Variants in CDK14 observed in about 807,000 individuals in gnomAD.
The protein encoded by CDK14 is cyclin dependent kinase 14.
CDK14 carries 34 observed loss-of-function variants against 60.7 expected under a neutral mutation model. That is an observed-to-expected ratio of 0.56 (90% CI 0.43 to 0.75). CDK14 has a LOEUF of 0.75. Among genes scored for constraint, CDK14 ranks in the 30% least tolerant of loss-of-function variants. The probability of loss-of-function intolerance (pLI) is 0.00; values close to 1 mark genes in which losing one functional copy is unlikely to be tolerated. For missense variants in CDK14, 482 were observed against 564.1 expected, an observed-to-expected ratio of 0.85 and a Z score of 1.47; for synonymous variants, 197 against 203.7, an observed-to-expected ratio of 0.97 and a Z score of 0.28.
intron 14 of CDK14, among the ~76,000 whole-genome samples, chr7:91,149,284 A>T (rs1475692016): frequency 5.1e-5 from 7 of 137,876 alleles, no homozygotes; most frequent in African/African-American, 1.8e-4. Context: ...GGAGCTTCAT[A>T]AAAAAAAAAA....
Position 90,984,188 on chromosome 7 carries a change from G to T in CDK14, c.988G>T (p.Ala330Ser). ...CTTTGTTGAAATGATCCAAGGAGTT[G>T]CTGCTTTTCCAGGAATGAAAGACAT... The part of the protein sequence containing the change: ...CIFVEMIQGV[A>S]AFPGMKDIQD... The change falls in exon 10 of 15, where the codon GCT (alanine) becomes TCT (serine). Residue 330 changes from alanine to serine, a missense_variant. Transcript: ENST00000380050. 6.2e-7 allele frequency: 1 copy of T among 1,613,020 alleles called. No individual in the cohort carries two copies.
intron 2 of CDK14, among the ~76,000 whole-genome samples, chr7:90,670,908 A>T (rs1354477969): frequency 6.6e-6 from 1 of 152,136 alleles, no homozygotes; most frequent in Non-Finnish European, 1.5e-5. Flanking sequence ...ATCCCTTCTT[A>T]ATAGTCCCCC....
chr7:90,863,269 G>A lies in CDK14; in HGVS notation c.639G>A (p.Val213=). 3 of 1,526,626 alleles carry A rather than the reference G, an allele frequency of 2.0e-6. No homozygotes were observed. Among genetic ancestry groups the A allele is most frequent in the South Asian group, 2.3e-5 (2 of 87,210 alleles). 94.6% of individuals were successfully genotyped at this position (1,526,626 alleles called of 1,614,324 possible). A position where few individuals can be genotyped will look rare whatever the true frequency, so the allele number is the denominator to read the frequency against. Residue 213 remains valine, a splice_region_variant and synonymous_variant, in exon 6 of 15, where the codon GTG becomes GTA. Transcript: ENST00000380050. ...CGCTGACACTTGTGTTTGAATATGT[G>A]GTAAGTAAAATAAGACTTTTAAATT... ...KETLTLVFEY[V]HTDLCQYMDK...
At chr7:91,180,405 A>G (rs1259632461) in intron 14 of CDK14, among the ~76,000 whole-genome samples, 1 of 152,236 alleles carries the variant, frequency 6.6e-6, no homozygotes, top group African/African-American at 2.4e-5. Flanking sequence ...GCCTATCATT[A>G]ACTCAAAAAA....
intron 6 of CDK14, among the ~76,000 whole-genome samples, chr7:90,865,684 T>A (rs1791154557): frequency 6.6e-6 from 1 of 152,096 alleles, no homozygotes; most frequent in Admixed American, 6.6e-5. Flanking sequence ...CAAAAGAATG[T>A]TTAAGACAAA....
intron 12 of CDK14, among the ~76,000 whole-genome samples, chr7:91,097,228 A>G (rs1799019280): frequency 6.6e-6 from 1 of 152,046 alleles, no homozygotes; most frequent in Non-Finnish European, 1.5e-5. Flanking sequence ...TAAAAACACA[A>G]AAATTAGCTG....
chr7:90,723,806 A>G (rs757282835), intron 2 of CDK14, among the ~76,000 whole-genome samples: 3 of 152,286 alleles, frequency 2.0e-5, no homozygotes, highest in Middle Eastern at 3.4e-3. Context: ...ATGGTTTACT[A>G]TCTTCTTTAT....
At chr7:90,782,569 G>A (rs1039136260) in intron 4 of CDK14, among the ~76,000 whole-genome samples, 5 of 152,072 alleles carry the variant, frequency 3.3e-5, no homozygotes, top group African/African-American at 9.7e-5. Context: ...TTTGTACTTA[G>A]ATGTTCTGTG....
At chr7:91,035,645 G>A (rs1349810391) in intron 10 of CDK14, among the ~76,000 whole-genome samples, 1 of 139,400 alleles carries the variant, frequency 7.2e-6, no homozygotes, top group Non-Finnish European at 1.5e-5. Context: ...TGTAGCATCT[G>A]GTACTGGCAC....
intron 2 of CDK14, among the ~76,000 whole-genome samples, chr7:90,690,990 A>G (rs1374732033): frequency 6.6e-6 from 1 of 152,208 alleles, no homozygotes; most frequent in Non-Finnish European, 1.5e-5. Context: ...TGCTCAGTTC[A>G]GACTTAAGTC....
chr7:91,108,876 C>T (rs911272145), intron 12 of CDK14, among the ~76,000 whole-genome samples: 2 of 152,150 alleles, frequency 1.3e-5, no homozygotes, highest in African/African-American at 4.8e-5. Flanking sequence ...AATTTAATGT[C>T]TGCATTTGAG....
intron 3 of CDK14, among the ~76,000 whole-genome samples, chr7:90,745,605 G>A (rs1456132770): frequency 2.6e-5 from 4 of 152,068 alleles, no homozygotes; most frequent in African/African-American, 7.2e-5. Flanking sequence ...TAGTAGAGAT[G>A]GGGTTTCACC....
intron 9 of CDK14, among the ~76,000 whole-genome samples, chr7:90,976,349 T>TC (rs980903083): frequency 7.9e-5 from 12 of 152,012 alleles, no homozygotes; most frequent in African/African-American, 2.9e-4. Flanking sequence ...AGATCATTTG[T>TC]CCCCCCGCTT....
chr7:91,095,945 T>C (rs1798970831), intron 12 of CDK14, among the ~76,000 whole-genome samples: 1 of 151,342 alleles, frequency 6.6e-6, no homozygotes, highest in Non-Finnish European at 1.5e-5. Flanking sequence ...GATGACAGGG[T>C]TTTGGAAATA....
At chr7:91,179,099 C>T (rs561158231) in intron 14 of CDK14, among the ~76,000 whole-genome samples, 2 of 152,166 alleles carry the variant, frequency 1.3e-5, no homozygotes, top group East Asian at 1.9e-4. Context: ...AAATGTGGCA[C>T]ATATACACCA....
At chr7:90,905,737 T>A (rs993799819) in intron 7 of CDK14, among the ~76,000 whole-genome samples, 2 of 152,284 alleles carry the variant, frequency 1.3e-5, no homozygotes, top group Admixed American at 1.3e-4. Flanking sequence ...ATTAAATTAC[T>A]GTAATTAGCT....
intron 10 of CDK14, among the ~76,000 whole-genome samples, chr7:91,045,176 A>G (rs1797198046): frequency 6.6e-6 from 1 of 152,132 alleles, no homozygotes; most frequent in South Asian, 2.1e-4. Context: ...TGCCATGATC[A>G]TTGAGTGTAA....
At chr7:90,676,783 G>A (rs1243687063) in intron 2 of CDK14, among the ~76,000 whole-genome samples, 1 of 151,948 alleles carries the variant, frequency 6.6e-6, no homozygotes, top group Admixed American at 6.6e-5. Flanking sequence ...GGGTCTTCCT[G>A]CCTTGGCCTC....
At chr7:90,809,043 T>A (rs1176762126) in intron 5 of CDK14, among the ~76,000 whole-genome samples, 2 of 152,172 alleles carry the variant, frequency 1.3e-5, no homozygotes, top group Non-Finnish European at 2.9e-5. Flanking sequence ...CACCCCACTG[T>A]CAGCATTAGA....
Sources: allele counts gnomAD v4.1 joint callset (sites outside exome capture counted in the v4.1 genomes callset), GRCh38; gene constraint gnomAD v4.1.1; transcripts MANE v1.5; gene names NCBI Gene and HGNC (gene_info 2026-07-23, HGNC 2026-07-21).